The following RAD51B variants were observed in gnomAD, a reference collection of about 807,000 sequenced individuals.
The protein encoded by RAD51B is RAD51 paralog B.
RAD51B carries 38 observed loss-of-function variants against 42.2 expected under a neutral mutation model. That is an observed-to-expected ratio of 0.90 (90% confidence interval 0.70 to 1.18). The LOEUF (loss-of-function observed/expected upper bound fraction) is 1.18. Among genes scored for constraint, RAD51B ranks in the 50% most tolerant of loss-of-function variants. The pLI, the probability that RAD51B is intolerant of heterozygous loss-of-function variation, is 0.00. For synonymous variants in RAD51B, 154 were observed against 145.2 expected (o/e 1.06, Z -0.43); for missense variants, 373 against 400.7 (o/e 0.93, Z 0.59).
At chr14:68,221,922 T>C (rs117351774) in intron 7 of RAD51B, among the ~76,000 whole-genome samples, 26,563 of 152,066 alleles carry the variant, frequency 0.17, 2,476 homozygotes, top group Middle Eastern at 0.36. Context: ...AAATGGCCAA[T>C]AAGCATATGG....
chr14:68,281,804 T>C (rs1019010876), intron 7 of RAD51B, among the ~76,000 whole-genome samples: 2 of 152,172 alleles, frequency 1.3e-5, no homozygotes, highest in Non-Finnish European at 2.9e-5. Flanking sequence ...GTGCACAGCA[T>C]ATATGCCTCA....
intron 9 of RAD51B, among the ~76,000 whole-genome samples, chr14:68,442,185 T>C (rs904600015): frequency 3.3e-5 from 5 of 152,316 alleles, no homozygotes; most frequent in African/African-American, 1.2e-4. Context: ...TTTAACTCTC[T>C]TTACTCTGCG....
chr14:68,154,167 C>T (rs2078450920), intron 7 of RAD51B, among the ~76,000 whole-genome samples: 1 of 152,082 alleles, frequency 6.6e-6, no homozygotes, highest in South Asian at 2.1e-4. Context: ...TGAATTTCAC[C>T]TTTTTGGGTG....
chr14:68,672,410 C>T (rs1893177727), intron 11 of RAD51B, among the ~76,000 whole-genome samples: 1 of 152,190 alleles, frequency 6.6e-6, no homozygotes, highest in Non-Finnish European at 1.5e-5. Context: ...AGACAAGGGC[C>T]TTTCTGCCGT....
chr14:68,348,638 G>A (rs1267196384), intron 8 of RAD51B, among the ~76,000 whole-genome samples: 2 of 152,216 alleles, frequency 1.3e-5, no homozygotes, highest in South Asian at 2.1e-4. Context: ...GGTGGCTCAC[G>A]CCTGTAATCC....
At chr14:68,372,426 CAT>C (rs2083283680) in intron 8 of RAD51B, among the ~76,000 whole-genome samples, 1 of 151,722 alleles carries the variant, frequency 6.6e-6, no homozygotes, top group Admixed American at 6.6e-5. Context: ...AAAAAGAGAA[CAT>C]GTAGTAATGC....
chr14:68,567,462 T>C lies in RAD51B; in HGVS notation c.1037-27023T>C, dbSNP rs973401753. On this transcript the variant is annotated intron_variant, in intron 10 of 10. Transcript: ENST00000487270. ...ACCAGAGTGGTACATTTGTTACAAC[T>C]GATGAACCTACACTGACATCATTGT... Among the ~76,000 whole-genome samples the C allele has an allele frequency of 5.9e-5, 9 of 152,302 alleles. No homozygotes were observed. The East Asian group carries it at 1.7e-3, about 29-fold the overall frequency.
intron 7 of RAD51B, among the ~76,000 whole-genome samples, chr14:68,147,724 C>T (rs2588827): frequency 0.88 from 134,103 of 151,646 alleles, 59,613 homozygotes; most frequent in East Asian, 0.99. Flanking sequence ...ACAACTCTTA[C>T]GGAAGGAGAT....
chr14:68,047,302 A>G (rs1352851040), intron 7 of RAD51B, among the ~76,000 whole-genome samples: 1 of 152,216 alleles, frequency 6.6e-6, no homozygotes. Context: ...AAGCTGCTAA[A>G]CAGAGTGGGA....
Position 68,328,289 on chromosome 14 carries a change from C to A in RAD51B, c.853+36309C>A, listed in dbSNP as rs192753277. On this transcript the variant is annotated intron_variant, in intron 8 of 10. Transcript: ENST00000471583. ...TGAAATTACACAGAAAGTACTGTAT[C>A]TTCTTAACCCTTTCTCCACCCCTCC... Among the ~76,000 whole-genome samples, 29 of 152,278 alleles carry A rather than the reference C, an allele frequency of 1.9e-4. 1 individual carries two copies. The East Asian group carries it at 5.0e-3, about 26-fold the overall frequency.
chr14:68,114,134 C>T (rs910659791), intron 7 of RAD51B: 7 of 152,004 alleles, frequency 4.6e-5, no homozygotes, highest in African/African-American at 1.7e-4. Flanking sequence ...TCAACTGTGC[C>T]CTAGGAGTTG....
intron 7 of RAD51B, among the ~76,000 whole-genome samples, chr14:67,923,524 C>T (rs2044402912): frequency 6.6e-6 from 1 of 151,926 alleles, no homozygotes; most frequent in Admixed American, 6.6e-5. Context: ...GTCTTGAACT[C>T]CCGACCTCAG....
intron 7 of RAD51B, among the ~76,000 whole-genome samples, chr14:67,899,727 CT>C (rs377632372): frequency 9.2e-5 from 14 of 152,104 alleles, no homozygotes; most frequent in Admixed American, 9.2e-4. Context: ...TTGATAACTA[CT>C]TTTTTTGTTT....
At chr14:68,369,986 C>T (rs1440200701) in intron 8 of RAD51B, among the ~76,000 whole-genome samples, 2 of 152,142 alleles carry the variant, frequency 1.3e-5, no homozygotes, top group South Asian at 2.1e-4. Flanking sequence ...CTGCAAGGGA[C>T]ATCTCAAATC....
intron 7 of RAD51B, among the ~76,000 whole-genome samples, chr14:67,995,499 C>T (rs1228761708): frequency 6.6e-6 from 1 of 152,176 alleles, no homozygotes; most frequent in Non-Finnish European, 1.5e-5. Context: ...CTTTTTCTCA[C>T]ACATTTATCC....
chr14:68,373,432 TA>T (rs2083300590), intron 8 of RAD51B, among the ~76,000 whole-genome samples: 1 of 152,186 alleles, frequency 6.6e-6, no homozygotes, highest in Non-Finnish European at 1.5e-5. Flanking sequence ...TATGGAGTAC[TA>T]TGCAGCCCTA....
At chr14:68,643,714 C>T (rs917448717) in intron 10 of RAD51B, among the ~76,000 whole-genome samples, 1 of 152,146 alleles carries the variant, frequency 6.6e-6, no homozygotes, top group Non-Finnish European at 1.5e-5. Context: ...TAAACATGTG[C>T]CAGGAAATCA....
Position 68,579,534 on chromosome 14 carries a change from A to G in RAD51B, c.1037-14951A>G, listed in dbSNP as rs150346109. Among the ~76,000 whole-genome samples the G allele has an allele frequency of 3.5e-3, 538 of 152,338 alleles. 5 individuals are homozygous for G. The highest frequency in any genetic ancestry group is 0.012 in the African/African-American group (516 of 41,568). ...AAATTTAAATTTAAGATGAACAATG[A>G]ATACTTTTTTTAGTATAAGTGTGTT... is the stretch of plus-strand genomic sequence containing the variant. On this transcript the variant is annotated intron_variant, in intron 10 of 10. Transcript: ENST00000487270.
Position 68,477,859 on chromosome 14 carries a change from G to C in RAD51B, c.*195G>C. The C allele has an allele frequency of 7.0e-7, 1 of 1,426,392 alleles. No homozygotes were observed. Among genetic ancestry groups the C allele is most frequent in the Non-Finnish European group, 9.2e-7 (1 of 1,092,238 alleles). The allele number at this position is 1,426,392 out of a possible 1,614,324, so 88.4% of individuals were successfully genotyped here. ...ACCTAGCAGGGAAGGTGAAGATGAA[G>C]AAGCCTTTGTTCAGGTCTCTAGATG... is the stretch of plus-strand genomic sequence containing the variant. On this transcript the variant is annotated 3_prime_UTR_variant, in exon 11 of 11. Transcript: ENST00000471583.
Sources: gnomAD v4.1 joint callset for allele counts (sites outside exome capture counted in the v4.1 genomes callset) on GRCh38, gnomAD v4.1.1 for gene constraint, MANE v1.5 for transcripts, NCBI Gene and HGNC (gene_info 2026-07-23, HGNC 2026-07-21) for gene names.